GLIS3: variants seen among roughly 807,000 people sequenced by gnomAD.
GLIS3 encodes the protein GLIS family zinc finger 3.
GLIS3 carries 53 observed loss-of-function variants against 78.6 expected under a neutral mutation model. That is an observed-to-expected ratio of 0.67 (90% CI 0.54 to 0.85). GLIS3 has a LOEUF of 0.85. Ranked by LOEUF, GLIS3 falls within the 40% of genes least tolerant of loss-of-function variation. GLIS3 has a pLI of 0.00. For synonymous variants in GLIS3, 684 were observed against 509.9 expected (o/e 1.34, Z -4.60); for missense variants, 1,703 against 1,231.1 (o/e 1.38, Z -5.74).
chr9:3,936,767 T>C (rs1472574975), intron 5 of GLIS3, among the ~76,000 whole-genome samples: 1 of 152,210 alleles, frequency 6.6e-6, no homozygotes, highest in Non-Finnish European at 1.5e-5. Context: ...TAAACTGCTT[T>C]TGCTTTGTAC....
At chr9:4,260,217 G>T (rs1156423568) in intron 2 of GLIS3, among the ~76,000 whole-genome samples, 1 of 152,152 alleles carries the variant, frequency 6.6e-6, no homozygotes, top group Non-Finnish European at 1.5e-5. Flanking sequence ...CGGATCACAA[G>T]GTCAAGAGAT....
the GLIS3 span, among the ~76,000 whole-genome samples, chr9:4,472,171 A>G: frequency 6.6e-6 from 1 of 152,232 alleles, no homozygotes; most frequent in Non-Finnish European, 1.5e-5. Flanking sequence ...ACTGTAAACT[A>G]GTTCATCCAT....
intron 2 of GLIS3, among the ~76,000 whole-genome samples, chr9:4,218,981 A>G (rs1380819258): frequency 6.6e-6 from 1 of 152,266 alleles, no homozygotes; most frequent in Non-Finnish European, 1.5e-5. Flanking sequence ...CATGAAAGAT[A>G]AAATTGGTCA....
chr9:4,184,108 A>C (rs931713860), intron 2 of GLIS3, among the ~76,000 whole-genome samples: 5 of 152,230 alleles, frequency 3.3e-5, no homozygotes, highest in African/African-American at 1.2e-4. Context: ...TACTGAAAAC[A>C]CCAATTAAAA....
intron 4 of GLIS3, among the ~76,000 whole-genome samples, chr9:4,049,410 TCCATTAGTTGATGC>T (rs1398444803): frequency 6.6e-6 from 1 of 152,120 alleles, no homozygotes; most frequent in East Asian, 1.9e-4. Flanking sequence ...AGGACCTTGC[TCCATTAGTTGATGC>T]CCATTCCAAT....
At chr9:4,136,510 C>A (rs1032309556) in intron 2 of GLIS3, among the ~76,000 whole-genome samples, 3 of 152,158 alleles carry the variant, frequency 2.0e-5, no homozygotes, top group Admixed American at 6.5e-5. Context: ...AATGTAAATG[C>A]ATGTGATAAA....
At chr9:4,400,620 C>T in the GLIS3 span, among the ~76,000 whole-genome samples, 1 of 152,218 alleles carries the variant, frequency 6.6e-6, no homozygotes, top group Admixed American at 6.5e-5. Flanking sequence ...AGATTAATTT[C>T]CCTTACTTCT....
At chr9:4,013,038 G>C (rs925661695) in intron 4 of GLIS3, among the ~76,000 whole-genome samples, 1 of 152,048 alleles carries the variant, frequency 6.6e-6, no homozygotes, top group Non-Finnish European at 1.5e-5. Context: ...CTCCCAAAGT[G>C]CTGGGATTAC....
At chr9:3,888,736 G>C (rs1413487681) in intron 7 of GLIS3, among the ~76,000 whole-genome samples, 1 of 152,038 alleles carries the variant, frequency 6.6e-6, no homozygotes, top group Non-Finnish European at 1.5e-5. Context: ...AGGCGCTTCA[G>C]GTTACCTCCT....
intron 4 of GLIS3, among the ~76,000 whole-genome samples, chr9:4,023,969 G>A (rs1036724756): frequency 2.0e-5 from 3 of 151,584 alleles, no homozygotes; most frequent in South Asian, 2.1e-4. Context: ...GGTGAATCTA[G>A]TCATGAAGAG....
chr9:4,229,176 G>C (rs1335691256), intron 2 of GLIS3, among the ~76,000 whole-genome samples: 2 of 152,216 alleles, frequency 1.3e-5, no homozygotes, highest in African/African-American at 4.8e-5. Context: ...TGAGGGAACA[G>C]CAACATTGGC....
At chr9:4,015,820 C>T (rs917355290) in intron 4 of GLIS3, among the ~76,000 whole-genome samples, 11 of 131,598 alleles carry the variant, frequency 8.4e-5, no homozygotes, top group East Asian at 5.0e-4. Context: ...ACCCAGAAGG[C>T]GGAGGTTGCA....
chr9:4,006,164 G>A (rs2129970203), intron 4 of GLIS3, among the ~76,000 whole-genome samples: 1 of 152,126 alleles, frequency 6.6e-6, no homozygotes, highest in Middle Eastern at 3.4e-3. Flanking sequence ...ATGTTTTCCT[G>A]CCTGGATCTC....
chr9:4,262,691 G>A (rs1266022169), intron 2 of GLIS3, among the ~76,000 whole-genome samples: 1 of 152,088 alleles, frequency 6.6e-6, no homozygotes, highest in East Asian at 1.9e-4. Flanking sequence ...CCTATGTGCT[G>A]CTGGGCACTA....
At chr9:4,298,365 AG>A in intron 1 of GLIS3, 1 of 455,976 alleles carries the variant, frequency 2.2e-6, no homozygotes, top group South Asian at 1.6e-5. Context: ...CCTTCCCCAA[AG>A]TTTCTCCCGC....
the GLIS3 span, among the ~76,000 whole-genome samples, chr9:4,394,143 C>T: frequency 1.3e-5 from 2 of 150,650 alleles, no homozygotes; most frequent in African/African-American, 2.4e-5. Context: ...TTTTGACCCC[C>T]TTGATTGCTA....
At chr9:4,252,385 C>T (rs192946270) in intron 2 of GLIS3, among the ~76,000 whole-genome samples, 10 of 151,978 alleles carry the variant, frequency 6.6e-5, no homozygotes, top group African/African-American at 2.2e-4. Context: ...TCCTTTCTTC[C>T]GCTTGATCAA....
intron 4 of GLIS3, among the ~76,000 whole-genome samples, chr9:4,013,916 G>A (rs979546131): frequency 4.6e-5 from 7 of 152,130 alleles, no homozygotes; most frequent in African/African-American, 7.2e-5. Flanking sequence ...TGTACAGTTG[G>A]GCAGGTTGTA....
chr9:3,854,929 T>A (rs181286252), intron 9 of GLIS3, among the ~76,000 whole-genome samples: 1 of 152,188 alleles, frequency 6.6e-6, no homozygotes, highest in Non-Finnish European at 1.5e-5. Context: ...AATTTGCATA[T>A]TGATTTAGAT....
Sources: allele counts gnomAD v4.1 joint callset (sites outside exome capture counted in the v4.1 genomes callset), GRCh38; gene constraint gnomAD v4.1.1; transcripts MANE v1.5; gene names NCBI Gene and HGNC (gene_info 2026-07-23, HGNC 2026-07-21).